FSTL5: variants seen among roughly 807,000 people sequenced by gnomAD.
The protein encoded by FSTL5 is follistatin-related protein 5.
In FSTL5, 62 loss-of-function variants were observed where a neutral mutation model predicts 89.1. The observed-to-expected ratio is 0.70, with a 90% CI of 0.57 to 0.86. The LOEUF (loss-of-function observed/expected upper bound fraction) is 0.86. Among genes scored for constraint, FSTL5 ranks in the 40% least tolerant of loss-of-function variants. The probability of loss-of-function intolerance (pLI) is 0.00; values close to 1 mark genes in which losing one functional copy is unlikely to be tolerated. For missense variants in FSTL5, 1,057 were observed against 1,001.6 expected (o/e 1.06, Z -0.75); for synonymous variants, 383 against 346.2 (o/e 1.11, Z -1.18).
At chr4:161,773,790 A>G (rs2126802220) in intron 5 of FSTL5, among the ~76,000 whole-genome samples, 1 of 152,288 alleles carries the variant, frequency 6.6e-6, no homozygotes, top group African/African-American at 2.4e-5. Flanking sequence ...GAGAGTCCTT[A>G]AAGAACTAAA....
intron 4 of FSTL5, among the ~76,000 whole-genome samples, chr4:161,828,978 T>C (rs946071309): frequency 2.0e-5 from 3 of 151,880 alleles, no homozygotes; most frequent in Non-Finnish European, 4.4e-5. Flanking sequence ...TGGAGTTTTG[T>C]CTTTGACCAA....
intron 1 of FSTL5, among the ~76,000 whole-genome samples, chr4:162,118,439 T>G (rs575042853): frequency 3.9e-5 from 6 of 152,256 alleles, no homozygotes; most frequent in African/African-American, 1.4e-4. Context: ...TTTTTGTATT[T>G]TTTAGTAGAG....
chr4:161,919,167 T>C (rs937761098), intron 4 of FSTL5, among the ~76,000 whole-genome samples: 6 of 152,158 alleles, frequency 3.9e-5, no homozygotes, highest in African/African-American at 1.4e-4. Context: ...ATATTATTTG[T>C]AAAATAGATT....
intron 4 of FSTL5, among the ~76,000 whole-genome samples, chr4:161,778,008 C>T (rs1241710133): frequency 2.0e-5 from 3 of 151,976 alleles, no homozygotes; most frequent in Admixed American, 1.3e-4. Flanking sequence ...GCAGGAGAAT[C>T]GCTGGAACCC....
At chr4:161,857,633 TTTAATA>T (rs556510758) in intron 4 of FSTL5, among the ~76,000 whole-genome samples, 233 of 152,298 alleles carry the variant, frequency 1.5e-3, no homozygotes, top group African/African-American at 5.4e-3. Flanking sequence ...ATTTTAATTA[TTTAATA>T]TTAAGTTTAT....
chr4:161,473,601 A>C (rs996555479), intron 13 of FSTL5, among the ~76,000 whole-genome samples: 1 of 151,886 alleles, frequency 6.6e-6, no homozygotes, highest in African/African-American at 2.4e-5. Flanking sequence ...GCAAATTAAA[A>C]AATGTGTATA....
At position 161,834,097 on chromosome 4, in the gene FSTL5, A is replaced by G. The variant is rs1349942779; in HGVS notation, c.410-58023T>C. 3.3e-5 allele frequency among the ~76,000 whole-genome samples: 5 copies of G among 152,194 alleles called. No individual in the cohort carries two copies. In the East Asian group the frequency reaches 7.7e-4, roughly 23 times the overall value. Reference sequence around the variant, plus strand: ...AATCCAACAGCACATCAAAAAGCTTATCCACCATGATCAAGTGGGCTTCAT... The same window carrying G: ...AATCCAACAGCACATCAAAAAGCTTGTCCACCATGATCAAGTGGGCTTCAT... On this transcript the variant is annotated intron_variant, in intron 4 of 15. Coordinates refer to ENST00000306100, the MANE Select transcript of FSTL5 (RefSeq NM_020116.5).
chr4:161,839,043 T>A (rs1039944571), intron 4 of FSTL5, among the ~76,000 whole-genome samples: 1 of 152,054 alleles, frequency 6.6e-6, no homozygotes, highest in Non-Finnish European at 1.5e-5. Flanking sequence ...ATTTGTAGGA[T>A]GCAGCTAAAG....
chr4:161,964,615 T>C (rs772206263), intron 3 of FSTL5, among the ~76,000 whole-genome samples: 1 of 151,980 alleles, frequency 6.6e-6, no homozygotes, highest in Non-Finnish European at 1.5e-5. Flanking sequence ...TCTGTTACCA[T>C]AGGAAATCAA....
At chr4:161,532,735 T>C (rs1410275803) in intron 10 of FSTL5, among the ~76,000 whole-genome samples, 1 of 152,120 alleles carries the variant, frequency 6.6e-6, no homozygotes, top group Admixed American at 6.6e-5. Context: ...ACCTGACCAA[T>C]GGGACCTAAT....
chr4:161,752,271 A>AGATAGATG lies in FSTL5; in HGVS notation c.727+7139_727+7140insCATCTATC, dbSNP rs1382139126. Among the ~76,000 whole-genome samples the AGATAGATG allele has an allele frequency of 4.0e-5, 6 of 148,162 alleles. No homozygotes were observed. The East Asian group carries it at 1.2e-3, about 29-fold the overall frequency. ...TAGATAGATAGATAGATAGATAGAT[A>AGATAGATG]GATGGAATGTTTCCAGCACCATAGA... On this transcript the variant is annotated intron_variant, in intron 6 of 15. Coordinates refer to ENST00000306100, the MANE Select transcript of FSTL5 (RefSeq NM_020116.5).
intron 7 of FSTL5, among the ~76,000 whole-genome samples, chr4:161,593,282 A>G (rs1037125258): frequency 2.6e-5 from 4 of 152,146 alleles, no homozygotes; most frequent in African/African-American, 9.7e-5. Flanking sequence ...GATAGTATCC[A>G]CTGACTTACC....
intron 6 of FSTL5, among the ~76,000 whole-genome samples, chr4:161,746,291 A>G (rs1052401138): frequency 6.6e-6 from 1 of 152,174 alleles, no homozygotes; most frequent in Admixed American, 6.5e-5. Context: ...TTTTCTAGAA[A>G]TTGTTAGCCT....
rs543843771 is a variant in FSTL5 at position 161,874,500 on chromosome 4, G to A, written c.409+45904C>T. ...TTTCCTAAATTCTGGAAAAAAATTA[G>A]CCATTTTATTTCTGAATATTATATC... On this transcript the variant is annotated intron_variant, in intron 4 of 15. Coordinates refer to ENST00000306100, the MANE Select transcript of FSTL5 (RefSeq NM_020116.5). Among the ~76,000 whole-genome samples the A allele has an allele frequency of 4.0e-5, 6 of 150,598 alleles. No individual in the cohort carries two copies. The East Asian group carries it at 1.2e-3, about 30-fold the overall frequency.
At chr4:161,533,838 G>T (rs561897786) in intron 10 of FSTL5, among the ~76,000 whole-genome samples, 1 of 151,776 alleles carries the variant, frequency 6.6e-6, no homozygotes, top group South Asian at 2.1e-4. Flanking sequence ...CCTCAATAAA[G>T]TACTAGCAAA....
At chr4:161,878,203 T>C (rs549006523) in intron 4 of FSTL5, among the ~76,000 whole-genome samples, 2 of 152,302 alleles carry the variant, frequency 1.3e-5, no homozygotes, top group South Asian at 4.1e-4. Flanking sequence ...AGAAGTGCTA[T>C]ACTTCCTAAA....
intron 4 of FSTL5, among the ~76,000 whole-genome samples, chr4:161,896,867 G>T (rs1733173059): frequency 2.6e-5 from 4 of 152,024 alleles, no homozygotes; most frequent in African/African-American, 9.7e-5. Flanking sequence ...TTAGTGTAAA[G>T]TGCAGAGTTT....
At chr4:162,074,882 G>C (rs1488800099) in intron 2 of FSTL5, among the ~76,000 whole-genome samples, 1 of 151,650 alleles carries the variant, frequency 6.6e-6, no homozygotes, top group East Asian at 1.9e-4. Context: ...GCCCACCTTA[G>C]ATGTGCTAAG....
At chr4:161,934,259 A>G (rs1458175025) in intron 3 of FSTL5, among the ~76,000 whole-genome samples, 1 of 152,100 alleles carries the variant, frequency 6.6e-6, no homozygotes, top group East Asian at 1.9e-4. Flanking sequence ...TCTAGCAAAC[A>G]ATATGGAAGA....
Sources: allele counts gnomAD v4.1 joint callset (sites outside exome capture counted in the v4.1 genomes callset), GRCh38; gene constraint gnomAD v4.1.1; transcripts MANE v1.5; gene names NCBI Gene and HGNC (gene_info 2026-07-23, HGNC 2026-07-21).